Variants in GAB4 observed in about 807,000 individuals in gnomAD.
GAB4 encodes GRB2-associated-binding protein 4.
Under a neutral mutation model 51.3 loss-of-function variants are expected in GAB4, and 26 were observed. That is an observed-to-expected ratio of 0.51 (90% CI 0.37 to 0.70). The LOEUF is 0.70. Among genes scored for constraint, GAB4 ranks in the 30% least tolerant of loss-of-function variants. GAB4 has a pLI of 0.00. For synonymous variants in GAB4, 329 were observed against 291.2 expected (o/e 1.13, Z -1.32); for missense variants, 759 against 734.6 (o/e 1.03, Z -0.38).
chr22:17,003,817 TA>T (rs1241219879), intron 1 of GAB4, among the ~76,000 whole-genome samples: 1 of 150,842 alleles, frequency 6.6e-6, no homozygotes, highest in Non-Finnish European at 1.5e-5. Flanking sequence ...GAACACAAAC[TA>T]AGATCAGAGC....
chr22:17,003,308 C>T (rs575103105), intron 1 of GAB4, among the ~76,000 whole-genome samples: 1 of 152,306 alleles, frequency 6.6e-6, no homozygotes, highest in East Asian at 1.9e-4. Context: ...AGAACCTGAA[C>T]TCAGCTCTGG....
chr22:16,999,367 G>C (rs1272564409), intron 1 of GAB4, among the ~76,000 whole-genome samples: 1 of 152,104 alleles, frequency 6.6e-6, no homozygotes, highest in Non-Finnish European at 1.5e-5. Context: ...GTTTAGTCTT[G>C]GGAGGGTGCA....
At chr22:16,970,308 G>A (rs1240270278) in intron 3 of GAB4, 115 bp from the exon 4 acceptor site, 3 of 1,203,102 alleles carry the variant, frequency 2.5e-6, no homozygotes, top group African/African-American at 3.0e-5. Flanking sequence ...AGAAAACACA[G>A]GAAGAGGAAT....
intron 1 of GAB4, among the ~76,000 whole-genome samples, chr22:16,999,800 A>T (rs1174150968): frequency 6.6e-6 from 1 of 152,186 alleles, no homozygotes; most frequent in Non-Finnish European, 1.5e-5. Context: ...TTCCCTCTAC[A>T]CACTGCTTTG....
chr22:16,991,811 G>A, intron 2 of GAB4, 62 bp downstream of exon 2: 1 of 1,368,276 alleles, frequency 7.3e-7, no homozygotes, highest in Non-Finnish European at 1.0e-6. Flanking sequence ...TGCCCTCCTT[G>A]CTGGAGATTG....
chr22:16,980,424 C>T (rs1339298292), intron 3 of GAB4, among the ~76,000 whole-genome samples: 2 of 152,178 alleles, frequency 1.3e-5, no homozygotes, highest in Non-Finnish European at 2.9e-5. Context: ...CATCACTGGT[C>T]ATTACAGAAA....
chr22:16,969,898 A>T, intron 4 of GAB4, 45 bp downstream of exon 4: 9 of 1,612,032 alleles, frequency 5.6e-6, no homozygotes, highest in Non-Finnish European at 7.6e-6. Flanking sequence ...TGGCCCCCAA[A>T]CTCCTGGAAC....
At chr22:16,970,953 T>C (rs1486557162) in intron 3 of GAB4, among the ~76,000 whole-genome samples, 2 of 151,712 alleles carry the variant, frequency 1.3e-5, no homozygotes, top group Admixed American at 6.6e-5. Context: ...CTCAGCACTT[T>C]AGGAAGCCCA....
At chr22:16,970,820 T>C (rs5992600) in intron 3 of GAB4, among the ~76,000 whole-genome samples, 28,520 of 152,106 alleles carry the variant, frequency 0.19, 2,823 homozygotes, top group Admixed American at 0.22. Flanking sequence ...AGAGAGGCAA[T>C]TCGAAGGAAA....
chr22:16,979,463 G>A (rs886978032), intron 3 of GAB4, among the ~76,000 whole-genome samples: 5 of 152,092 alleles, frequency 3.3e-5, no homozygotes, highest in African/African-American at 2.4e-5. Context: ...ACTTACAAGG[G>A]ATGAGAAGGA....
intron 1 of GAB4, among the ~76,000 whole-genome samples, chr22:17,000,213 G>A (rs1177323848): frequency 6.6e-6 from 1 of 152,154 alleles, no homozygotes. Context: ...TTTCTGTCTT[G>A]TTGATCTGTC....
intron 5 of GAB4, chr22:16,966,621 C>T: frequency 2.1e-6 from 1 of 487,178 alleles, no homozygotes; most frequent in South Asian, 3.1e-5. Context: ...ACACAGTCAA[C>T]ATGTAAAAGT....
chr22:17,007,634 T>G (rs1010208656), intron 1 of GAB4, among the ~76,000 whole-genome samples: 1 of 152,138 alleles, frequency 6.6e-6, no homozygotes, highest in Non-Finnish European at 1.5e-5. Flanking sequence ...GCGAGGTTCC[T>G]GCCGTTTTGC....
At position 16,966,159 on chromosome 22, in the gene GAB4, C is replaced by A. The variant is rs966243700; in HGVS notation, c.1229G>T (p.Ser410Ile). ...GGGCAGCTGGACCTCATGTCCCTGG[C>A]TGAGGTCTTGGTGCATAGAAAGCTC... ...LTELSMHQDLSQGHEVQLPPV... is the reference protein window; with the variant it reads ...LTELSMHQDLIQGHEVQLPPV... The change falls in exon 6 of 10, where the codon AGC becomes ATC. Residue 410 changes from serine (S) to isoleucine (I), a missense_variant. Ser to Ile is a moderately radical substitution (Grantham distance 142). Coordinates refer to ENST00000400588, the MANE Select transcript of GAB4 (RefSeq NM_001037814.1). 1 of 1,613,972 alleles carries A rather than the reference C, an allele frequency of 6.2e-7. No homozygotes were observed.
chr22:16,977,358 A>AC (rs923010193), intron 3 of GAB4, among the ~76,000 whole-genome samples: 3 of 152,064 alleles, frequency 2.0e-5, no homozygotes, highest in African/African-American at 7.3e-5. Flanking sequence ...CAAAAAAAAA[A>AC]AAAGCAGGGG....
In GAB4 at chr22:16,991,884, T is replaced by A. The variant is rs1569106833; in HGVS notation, c.467A>T (p.Glu156Val). 1.2e-6 allele frequency: 2 copies of A among 1,613,062 alleles called. No individual in the cohort carries two copies. Among genetic ancestry groups the A allele is most frequent in the Non-Finnish European group, 1.7e-6 (2 of 1,179,410 alleles). Residue 156 changes from glutamate (E) to valine (V), a missense_variant, in exon 2 of 10, where the codon GAG (glutamate) becomes GTG (valine). Coordinates refer to ENST00000400588, the MANE Select transcript of GAB4 (RefSeq NM_001037814.1). Reference sequence around the variant, plus strand: ...GTGTGCTCCCATACCTGTGCTTTCCTCCTGCCTGAAGCCACAGATCTGACA... The same window carrying A: ...GTGTGCTCCCATACCTGTGCTTTCCACCTGCCTGAAGCCACAGATCTGACA... Reference protein sequence around the residue: ...SICQICGFRQEESTGFLGNIS... With the variant: ...SICQICGFRQVESTGFLGNIS...
intron 3 of GAB4, among the ~76,000 whole-genome samples, chr22:16,984,146 C>A (rs910282642): frequency 2.0e-5 from 3 of 152,090 alleles, no homozygotes; most frequent in Non-Finnish European, 4.4e-5. Context: ...GACAAAAGAT[C>A]TGGATAGACA....
rs1203281659 is a variant in GAB4 at position 16,970,187 on chromosome 22, G to A, written c.693C>T (p.Ala231=). The A allele has an allele frequency of 1.6e-5, 26 of 1,614,000 alleles. No homozygotes were observed. The highest frequency in any genetic ancestry group is 2.1e-5 in the Non-Finnish European group (25 of 1,180,028). ...GGGCCTCAGAACCCTGGGAGAAGCTGGCACTCCTAAGAGAGAGAAAGAAGG... is the reference window on the plus strand; with the variant it reads ...GGGCCTCAGAACCCTGGGAGAAGCTAGCACTCCTAAGAGAGAGAAAGAAGG... The part of the protein sequence containing the change: ...ASQRAEHARS[A]SFSQGSEAPF... Residue 231 remains alanine (A), a synonymous_variant, in exon 4 of 10, where the codon GCC becomes GCT. Transcript: ENST00000400588.
chr22:16,994,145 T>C (rs957486063), intron 1 of GAB4, among the ~76,000 whole-genome samples: 2 of 152,218 alleles, frequency 1.3e-5, no homozygotes, highest in African/African-American at 2.4e-5. Flanking sequence ...CTTAAAACTC[T>C]GAAGAGTTTC....
Sources: gnomAD v4.1 joint callset for allele counts (sites outside exome capture counted in the v4.1 genomes callset) on GRCh38, gnomAD v4.1.1 for gene constraint, MANE v1.5 for transcripts, NCBI Gene and HGNC (gene_info 2026-07-23, HGNC 2026-07-21) for gene names.